Variants in STPG2 observed in about 807,000 individuals in gnomAD.
The protein encoded by STPG2 is sperm-tail PG-rich repeat-containing protein 2.
A neutral mutation model predicts 54.2 loss-of-function variants in STPG2; 56 were observed. The ratio of observed to expected loss-of-function variants is 1.03; its 90% CI spans 0.83 to 1.29. The LOEUF is 1.29. Ranked by LOEUF, STPG2 falls within the 50% of genes most tolerant of loss-of-function variation. The probability of loss-of-function intolerance (pLI) is 0.00; values close to 1 mark genes in which losing one functional copy is unlikely to be tolerated. For synonymous variants in STPG2, 200 were observed against 181.8 expected (o/e 1.10, Z -0.81); for missense variants, 596 against 544.9 (o/e 1.09, Z -0.93).
chr4:97,941,294 T>C (rs1264566205), intron 8 of STPG2, among the ~76,000 whole-genome samples: 2 of 152,072 alleles, frequency 1.3e-5, no homozygotes, highest in African/African-American at 2.4e-5. Context: ...GAAAAGGACA[T>C]AGGTATTTTT....
chr4:97,831,203 C>A (rs1171512931), intron 9 of STPG2, among the ~76,000 whole-genome samples: 1 of 152,140 alleles, frequency 6.6e-6, no homozygotes, highest in Non-Finnish European at 1.5e-5. Context: ...CAAACTAGAA[C>A]TCAGGATTAA....
At chr4:97,733,082 C>T (rs1289583549) in intron 9 of STPG2, among the ~76,000 whole-genome samples, 1 of 152,102 alleles carries the variant, frequency 6.6e-6, no homozygotes, top group Non-Finnish European at 1.5e-5. Flanking sequence ...AATCCCACTA[C>T]TGGGTATCTA....
intron 8 of STPG2, among the ~76,000 whole-genome samples, chr4:97,920,529 G>A (rs1732059655): frequency 6.6e-6 from 1 of 152,050 alleles, no homozygotes; most frequent in African/African-American, 2.4e-5. Flanking sequence ...AGGTGTCAGT[G>A]GATTCTCTGA....
chr4:97,442,581 T>A (rs776873505), intron 4 of STPG2, among the ~76,000 whole-genome samples: 1 of 152,020 alleles, frequency 6.6e-6, no homozygotes, highest in Non-Finnish European at 1.5e-5. Context: ...TAGAATTGGG[T>A]CTTTGTGTCC....
intron 9 of STPG2, among the ~76,000 whole-genome samples, chr4:97,713,659 C>T (rs1724201318): frequency 6.6e-6 from 1 of 152,168 alleles, no homozygotes; most frequent in Admixed American, 6.5e-5. Context: ...TCAGGCTAAT[C>T]TGACAGGAGG....
chr4:97,864,069 T>C (rs985843539), intron 8 of STPG2, among the ~76,000 whole-genome samples: 1 of 152,070 alleles, frequency 6.6e-6, no homozygotes, highest in Admixed American at 6.6e-5. Flanking sequence ...ACCACTCCTA[T>C]TCAACATAGT....
At chr4:98,105,460 T>G (rs2110140334) in intron 5 of STPG2, among the ~76,000 whole-genome samples, 1 of 152,084 alleles carries the variant, frequency 6.6e-6, no homozygotes, top group Admixed American at 6.6e-5. Flanking sequence ...GCTCCAAGAA[T>G]TTGTGTTTTG....
At chr4:98,022,003 T>G (rs1401947474) in intron 5 of STPG2, among the ~76,000 whole-genome samples, 1 of 151,472 alleles carries the variant, frequency 6.6e-6, no homozygotes, top group Non-Finnish European at 1.5e-5. Context: ...AATTGGAGCA[T>G]ATAGCCCATT....
intron 10 of STPG2, among the ~76,000 whole-genome samples, chr4:97,662,475 G>A (rs948321622): frequency 1.3e-5 from 2 of 152,122 alleles, no homozygotes; most frequent in South Asian, 2.1e-4. Flanking sequence ...GAAATTAAAA[G>A]AGAATTACCA....
intron 9 of STPG2, among the ~76,000 whole-genome samples, chr4:97,775,409 G>A (rs1214352005): frequency 6.6e-6 from 1 of 151,912 alleles, no homozygotes; most frequent in Non-Finnish European, 1.5e-5. Context: ...AGAAATTAAA[G>A]TATAATTTTA....
intron 3 of STPG2, 22 bp from the exon 4 acceptor site, chr4:98,109,327 A>G (rs1303473094): frequency 6.5e-7 from 1 of 1,538,520 alleles, no homozygotes; most frequent in African/African-American, 1.4e-5. Context: ...AAAGTTTTAA[A>G]AAGTGAGGAT....
chr4:97,536,660 T>A (rs1731538845), intron 4 of STPG2, among the ~76,000 whole-genome samples: 1 of 152,158 alleles, frequency 6.6e-6, no homozygotes, highest in Non-Finnish European at 1.5e-5. Context: ...AGAGACATGT[T>A]AGAAAGGTTG....
intron 8 of STPG2, among the ~76,000 whole-genome samples, chr4:97,845,482 G>T (rs1247034521): frequency 2.6e-5 from 4 of 152,072 alleles, no homozygotes; most frequent in Non-Finnish European, 2.9e-5. Context: ...TCTCCTTAAA[G>T]TTATTTACGT....
At chr4:97,873,567 G>A (rs1275270199) in intron 8 of STPG2, among the ~76,000 whole-genome samples, 1 of 150,410 alleles carries the variant, frequency 6.6e-6, no homozygotes, top group Non-Finnish European at 1.5e-5. Context: ...ATGTAATGTT[G>A]TACAATCCTA....
At position 97,959,935 on chromosome 4, in the gene STPG2, G is replaced by T. The variant is rs183112328; in HGVS notation, c.933+12345C>A. Among the ~76,000 whole-genome samples, 181 of 152,202 alleles carry T rather than the reference G, an allele frequency of 1.2e-3. 1 individual carries two copies. In the Middle Eastern group the frequency reaches 0.02, roughly 17 times the overall value. ...ATGGATATCCCTGATGAACATAGAT[G>T]TAAAAATCCTTAACAAAATACTAGC... On this transcript the variant is annotated intron_variant, in intron 7 of 10. Transcript: ENST00000295268.
At chr4:98,027,559 A>C (rs1736464595) in intron 5 of STPG2, among the ~76,000 whole-genome samples, 1 of 152,210 alleles carries the variant, frequency 6.6e-6, no homozygotes, top group Non-Finnish European at 1.5e-5. Flanking sequence ...AAACTAGAAA[A>C]CAAGTTAACA....
chr4:98,080,270 T>A (rs948968926), intron 5 of STPG2, among the ~76,000 whole-genome samples: 14 of 152,194 alleles, frequency 9.2e-5, no homozygotes, highest in African/African-American at 3.1e-4. Context: ...ATTTACCTTT[T>A]TTTTTAGAGA....
At chr4:97,453,508 G>A (rs1328714928) in intron 4 of STPG2, among the ~76,000 whole-genome samples, 1 of 152,186 alleles carries the variant, frequency 6.6e-6, no homozygotes, top group Non-Finnish European at 1.5e-5. Flanking sequence ...AGAGGTTTCA[G>A]GTCAGAAAAG....
chr4:97,717,650 A>G (rs1169406892), intron 9 of STPG2, among the ~76,000 whole-genome samples: 2 of 152,166 alleles, frequency 1.3e-5, no homozygotes, highest in East Asian at 3.8e-4. Context: ...CTGCTGCTAT[A>G]AAAAAGATAC....
Sources: allele counts gnomAD v4.1 joint callset (sites outside exome capture counted in the v4.1 genomes callset), GRCh38; gene constraint gnomAD v4.1.1; transcripts MANE v1.5; gene names NCBI Gene and HGNC (gene_info 2026-07-23, HGNC 2026-07-21).